DACH2: variants seen among roughly 807,000 people sequenced by gnomAD.
The protein encoded by DACH2 is dachshund family transcription factor 2, also known as dachshund homolog 2.
Under a neutral mutation model 35.8 loss-of-function variants are expected in DACH2, and 17 were observed. The observed-to-expected ratio is 0.48, with a 90% CI of 0.33 to 0.71. The LOEUF (loss-of-function observed/expected upper bound fraction) is 0.71. Ranked by LOEUF, DACH2 falls within the 30% of genes least tolerant of loss-of-function variation. DACH2 has a pLI of 0.02. For missense variants in DACH2, 469 were observed against 472.7 expected (o/e 0.99, Z 0.07); for synonymous variants, 195 against 177.3 (o/e 1.10, Z -0.79).
At chrX:86,292,913 G>T (rs927853956) in intron 1 of DACH2, among the ~76,000 whole-genome samples, 1 of 102,957 alleles carries the variant, frequency 9.7e-6, no homozygotes, top group Non-Finnish European at 2.0e-5. Context: ...TTGATTTGGG[G>T]TGGAGAGTTC....
chrX:86,186,243 G>A (rs964713177), intron 1 of DACH2, among the ~76,000 whole-genome samples: 1 of 112,747 alleles, frequency 8.9e-6, no homozygotes. Flanking sequence ...CTTCAGGGAA[G>A]AATATAGTAC....
intron 1 of DACH2, among the ~76,000 whole-genome samples, chrX:86,335,016 A>T (rs2035279955): frequency 8.9e-6 from 1 of 112,042 alleles, no homozygotes; most frequent in Admixed American, 9.5e-5. Context: ...TAAATACAGA[A>T]TCCTTTCCCC....
rs148667308 is a variant in DACH2 at position 86,526,917 on chromosome X, G to A, written c.640+12526G>A. Among the ~76,000 whole-genome samples, 426 of 109,473 alleles carry A rather than the reference G, an allele frequency of 3.9e-3. 28 individuals carry two copies. In the East Asian group the frequency reaches 0.097, roughly 25 times the overall value. ...TCAGTAGTGTTACTTGCATAATCAA[G>A]GGACCAACAGAGAAGAACTATAGTA... On this transcript the variant is annotated intron_variant, in intron 3 of 11. Coordinates refer to ENST00000373125, the MANE Select transcript of DACH2 (RefSeq NM_053281.3).
chrX:86,328,741 A>G (rs904049344), intron 1 of DACH2, among the ~76,000 whole-genome samples: 1 of 111,616 alleles, frequency 9.0e-6, no homozygotes, highest in Admixed American at 9.5e-5. Context: ...TTCACCTTCA[A>G]TTCCTGAATT....
intron 4 of DACH2, among the ~76,000 whole-genome samples, chrX:86,667,557 A>AAAGAAAG (rs2040707348): frequency 2.8e-5 from 2 of 70,425 alleles, no homozygotes; most frequent in African/African-American, 7.1e-5. Context: ...AGAAAGAAAG[A>AAAGAAAG]AAGAAAGAAA....
chrX:86,478,107 T>C (rs1178119376), intron 2 of DACH2, among the ~76,000 whole-genome samples: 3 of 112,254 alleles, frequency 2.7e-5, no homozygotes, highest in South Asian at 3.7e-4. Context: ...TGGTTCATTA[T>C]TGAGCCTTTC....
At chrX:86,552,495 G>A (rs763100471) in intron 3 of DACH2, among the ~76,000 whole-genome samples, 3 of 112,216 alleles carry the variant, frequency 2.7e-5, no homozygotes, top group Non-Finnish European at 5.6e-5. Context: ...TAATGAGGGA[G>A]TTAAGGATGG....
At chrX:86,816,995 A>C (rs1284359478) in intron 11 of DACH2, among the ~76,000 whole-genome samples, 1 of 112,076 alleles carries the variant, frequency 8.9e-6, no homozygotes, top group Non-Finnish European at 1.9e-5. Context: ...TCATAAAGGC[A>C]ACAGAACTGG....
chrX:86,370,603 A>G, intron 1 of DACH2, among the ~76,000 whole-genome samples: 1 of 111,834 alleles, frequency 8.9e-6, no homozygotes, highest in South Asian at 3.7e-4. Flanking sequence ...AAACCTACAA[A>G]CATGAATAGC....
chrX:86,529,946 TAC>T (rs779572561), intron 3 of DACH2, among the ~76,000 whole-genome samples: 11,159 of 78,910 alleles, frequency 0.14, 693 homozygotes, highest in East Asian at 0.28. Flanking sequence ...CCATTGTACA[TAC>T]ACACACACAC....
At chrX:86,441,848 A>G (rs1178579102) in intron 2 of DACH2, among the ~76,000 whole-genome samples, 1 of 96,590 alleles carries the variant, frequency 1.0e-5, no homozygotes, top group African/African-American at 3.9e-5. Flanking sequence ...TATATATTAT[A>G]CTATATATGT....
intron 5 of DACH2, among the ~76,000 whole-genome samples, chrX:86,698,536 T>G (rs1477807406): frequency 3.6e-4 from 24 of 65,771 alleles, no homozygotes; most frequent in African/African-American, 1.1e-3. Context: ...TTTTTTTTTT[T>G]TTTTTTTTTT....
At chrX:86,592,193 ATTG>A (rs1411753390) in intron 3 of DACH2, among the ~76,000 whole-genome samples, 1 of 111,666 alleles carries the variant, frequency 9.0e-6, no homozygotes, top group South Asian at 3.7e-4. Context: ...TCTTAATTAA[ATTG>A]TTGTAAATGG....
At chrX:86,261,557 C>A (rs73238814) in intron 1 of DACH2, among the ~76,000 whole-genome samples, 12,763 of 111,135 alleles carry the variant, frequency 0.11, 772 homozygotes, top group Admixed American at 0.26. Flanking sequence ...ATCTTCTAAC[C>A]ATTTAAAATT....
intron 2 of DACH2, among the ~76,000 whole-genome samples, chrX:86,410,558 C>CA (rs1356030637): frequency 9.0e-6 from 1 of 111,231 alleles, no homozygotes; most frequent in African/African-American, 3.3e-5. Flanking sequence ...CAAGCCTTCC[C>CA]AAAAACATGG....
At chrX:86,703,038 A>G (rs903684664) in intron 5 of DACH2, among the ~76,000 whole-genome samples, 14 of 111,307 alleles carry the variant, frequency 1.3e-4, no homozygotes, top group African/African-American at 4.6e-4. Flanking sequence ...CAAGAAAACC[A>G]AATCCAACAA....
intron 1 of DACH2, among the ~76,000 whole-genome samples, chrX:86,295,382 C>T (rs1457546480): frequency 2.7e-5 from 3 of 112,031 alleles, no homozygotes; most frequent in South Asian, 3.7e-4. Flanking sequence ...CCGTCTTCTG[C>T]GTCGCTCACG....
At chrX:86,610,412 T>C (rs1439197972) in intron 3 of DACH2, among the ~76,000 whole-genome samples, 1 of 78,752 alleles carries the variant, frequency 1.3e-5, no homozygotes, top group Non-Finnish European at 2.4e-5. Context: ...TTTCTTTCTT[T>C]CTTTCTTTTC....
rs112615176 is a variant in DACH2 at position 86,695,655 on chromosome X, A to T, written c.931+476A>T. ...CTCCCAAGTAGCTGGGATTACAGGC[A>T]TCTGCCACCACGTCCAGCTAAATTT... On this transcript the variant is annotated intron_variant, in intron 5 of 11. Transcript: ENST00000373125. 5.6e-3 allele frequency among the ~76,000 whole-genome samples: 620 copies of T among 109,901 alleles called. 3 individuals are homozygous for T. The highest frequency in any genetic ancestry group is 0.02 in the African/African-American group (599 of 30,098).
Sources: gnomAD v4.1 joint callset for allele counts (sites outside exome capture counted in the v4.1 genomes callset) on GRCh38, gnomAD v4.1.1 for gene constraint, MANE v1.5 for transcripts, NCBI Gene and HGNC (gene_info 2026-07-23, HGNC 2026-07-21) for gene names.